TMEM132D: variants seen among roughly 807,000 people sequenced by gnomAD.
The protein encoded by TMEM132D is transmembrane protein 132D, also known as mature OL transmembrane protein.
Under a neutral mutation model 62.3 loss-of-function variants are expected in TMEM132D, and 21 were observed. That is an observed-to-expected ratio of 0.34 (90% confidence interval 0.24 to 0.49). The LOEUF (loss-of-function observed/expected upper bound fraction) is 0.49, where lower values mean the gene tolerates loss of function less well. TMEM132D is among the 20% of genes least tolerant of loss of function. The pLI, the probability that TMEM132D is intolerant of heterozygous loss-of-function variation, is 0.99. For missense variants in TMEM132D, 1,346 were observed against 1,402.8 expected (o/e 0.96, Z 0.65); for synonymous variants, 621 against 575.6 (o/e 1.08, Z -1.13).
At chr12:129,160,728 G>C (rs952943294) in intron 5 of TMEM132D, among the ~76,000 whole-genome samples, 4 of 152,176 alleles carry the variant, frequency 2.6e-5, no homozygotes, top group African/African-American at 9.7e-5. Flanking sequence ...CTGATAGATA[G>C]ACAGGTCACA....
At chr12:129,151,457 G>C (rs945961419) in intron 5 of TMEM132D, among the ~76,000 whole-genome samples, 8 of 152,164 alleles carry the variant, frequency 5.3e-5, no homozygotes, top group Non-Finnish European at 1.0e-4. Flanking sequence ...CGGTGTCTCC[G>C]ACACCATCAC....
At position 129,337,951 on chromosome 12, in the gene TMEM132D, A is replaced by G. The variant is rs1869348163; in HGVS notation, c.1116-134T>C. 4 of 883,892 alleles carry G rather than the reference A, an allele frequency of 4.5e-6. No homozygotes were observed. In the South Asian group the frequency reaches 8.0e-5, roughly 18 times the overall value. 54.8% of individuals were successfully genotyped at this position (883,892 alleles called of 1,614,324 possible). On this transcript the variant is annotated intron_variant, in intron 3 of 8. Coordinates refer to ENST00000422113, the MANE Select transcript of TMEM132D (RefSeq NM_133448.3). Reference sequence around the variant, plus strand: ...ACCAAGCGCACACATCTCTGCAAAGAGCATTCAGAGATGCCATTCCAAAAC... The same window carrying G: ...ACCAAGCGCACACATCTCTGCAAAGGGCATTCAGAGATGCCATTCCAAAAC...
rs370908728 is a variant in TMEM132D at position 129,222,058 on chromosome 12, C to T, written c.1300-12395G>A. On this transcript the variant is annotated intron_variant, in intron 4 of 8. Coordinates refer to ENST00000422113, the MANE Select transcript of TMEM132D (RefSeq NM_133448.3). ...TTAAAGTACATCAGCTCTTGGGTTT[C>T]GTGGCTGTGGTATGGTATGCAGAGG... Among the ~76,000 whole-genome samples, 45 of 152,260 alleles carry T rather than the reference C, an allele frequency of 3.0e-4. 1 individual carries two copies. In the Middle Eastern group the frequency reaches 0.017, roughly 58 times the overall value.
chr12:129,735,801 T>A (rs193164208), intron 1 of TMEM132D, among the ~76,000 whole-genome samples: 19 of 152,330 alleles, frequency 1.2e-4, no homozygotes, highest in Admixed American at 5.9e-4. Context: ...GTATCAAGGA[T>A]ATTCTATCTC....
At chr12:129,734,236 G>C (rs1869346281) in intron 1 of TMEM132D, among the ~76,000 whole-genome samples, 1 of 152,156 alleles carries the variant, frequency 6.6e-6, no homozygotes, top group African/African-American at 2.4e-5. Context: ...GAAAGTATAA[G>C]ATGTCATGAA....
At chr12:129,527,725 G>C (rs1386048861) in intron 3 of TMEM132D, among the ~76,000 whole-genome samples, 1 of 152,194 alleles carries the variant, frequency 6.6e-6, no homozygotes, top group Non-Finnish European at 1.5e-5. Context: ...TACTGAGCAA[G>C]ATTTTGCAAA....
At chr12:129,092,103 C>G (rs896444393) in intron 5 of TMEM132D, among the ~76,000 whole-genome samples, 2 of 152,188 alleles carry the variant, frequency 1.3e-5, no homozygotes, top group African/African-American at 4.8e-5. Context: ...GAACCCCTTT[C>G]ATAATCCATT....
intron 2 of TMEM132D, among the ~76,000 whole-genome samples, chr12:129,644,832 A>C (rs1188812156): frequency 3.3e-5 from 5 of 150,786 alleles, no homozygotes; most frequent in African/African-American, 1.2e-4. Context: ...CAAAAAAAAA[A>C]AAAAATAGCC....
At chr12:129,681,259 C>T (rs1880770900) in intron 2 of TMEM132D, among the ~76,000 whole-genome samples, 1 of 152,224 alleles carries the variant, frequency 6.6e-6, no homozygotes. Context: ...TCAAAAGCTA[C>T]TATGAAACCC....
intron 4 of TMEM132D, among the ~76,000 whole-genome samples, chr12:129,214,918 T>G (rs1593298842): frequency 6.6e-6 from 1 of 152,256 alleles, no homozygotes; most frequent in Middle Eastern, 3.4e-3. Context: ...CTTAAAGAGA[T>G]AAAAACAGAA....
intron 2 of TMEM132D, among the ~76,000 whole-genome samples, chr12:129,672,674 T>G (rs1186838825): frequency 6.6e-6 from 1 of 152,202 alleles, no homozygotes; most frequent in Non-Finnish European, 1.5e-5. Context: ...TTTGACAATT[T>G]TATAGGCTCA....
chr12:129,636,737 T>TGTGTGTGAGAGA (rs375868329), intron 2 of TMEM132D, among the ~76,000 whole-genome samples: 2,230 of 113,446 alleles, frequency 0.02, 35 homozygotes, highest in Non-Finnish European at 0.023. Context: ...TGTGTGTGTG[T>TGTGTGTGAGAGA]GAGAGAGAGA....
intron 2 of TMEM132D, among the ~76,000 whole-genome samples, chr12:129,589,550 G>T (rs938667167): frequency 1.3e-5 from 2 of 152,066 alleles, no homozygotes; most frequent in Admixed American, 6.5e-5. Flanking sequence ...GCTATCTCCT[G>T]CTCCTACCCC....
chr12:129,454,035 A>G (rs1873384417), intron 3 of TMEM132D, among the ~76,000 whole-genome samples: 1 of 152,208 alleles, frequency 6.6e-6, no homozygotes, highest in Non-Finnish European at 1.5e-5. Flanking sequence ...AGCAATGTTC[A>G]TGTTATGGCA....
At chr12:129,138,780 A>G (rs1359019438) in intron 5 of TMEM132D, among the ~76,000 whole-genome samples, 2 of 152,228 alleles carry the variant, frequency 1.3e-5, no homozygotes, top group Non-Finnish European at 2.9e-5. Context: ...ACAAACAGCA[A>G]AAACAAGCTG....
chr12:129,269,154 G>C (rs544005304), intron 4 of TMEM132D, among the ~76,000 whole-genome samples: 1 of 152,068 alleles, frequency 6.6e-6, no homozygotes, highest in African/African-American at 2.4e-5. Context: ...ATGTCCCCTA[G>C]AACTTAAAGT....
At chr12:129,745,829 A>G (rs1169118720) in intron 1 of TMEM132D, among the ~76,000 whole-genome samples, 1 of 152,206 alleles carries the variant, frequency 6.6e-6, no homozygotes, top group African/African-American at 2.4e-5. Flanking sequence ...AAGAGTAAAA[A>G]TGATGTAAAC....
intron 5 of TMEM132D, among the ~76,000 whole-genome samples, chr12:129,176,762 T>A (rs1877919075): frequency 6.6e-6 from 1 of 152,244 alleles, no homozygotes; most frequent in Non-Finnish European, 1.5e-5. Context: ...GGGCATCACT[T>A]ATCACAGGTG....
At chr12:129,089,969 G>T (rs923932738) in intron 5 of TMEM132D, among the ~76,000 whole-genome samples, 2 of 152,160 alleles carry the variant, frequency 1.3e-5, no homozygotes, top group African/African-American at 4.8e-5. Flanking sequence ...CACTTAAAGG[G>T]GTGTGAGGAA....
Sources: allele counts gnomAD v4.1 joint callset (sites outside exome capture counted in the v4.1 genomes callset), GRCh38; gene constraint gnomAD v4.1.1; transcripts MANE v1.5; gene names NCBI Gene and HGNC (gene_info 2026-07-23, HGNC 2026-07-21).